The following CCZ1 variants were observed in gnomAD, a reference collection of about 807,000 sequenced individuals.
CCZ1 encodes CCZ1 vacuolar protein trafficking and biogenesis associated.
In CCZ1, 19 loss-of-function variants were observed where a neutral mutation model predicts 57.8. The observed-to-expected ratio is 0.33, with a 90% CI of 0.23 to 0.48. CCZ1 has a LOEUF of 0.48. Among genes scored for constraint, CCZ1 ranks in the 20% least tolerant of loss-of-function variants. The pLI is 0.99. For missense variants in CCZ1, 200 were observed against 492.0 expected (o/e 0.41, Z 5.61); for synonymous variants, 81 against 167.0 (o/e 0.49, Z 3.97).
At chr7:5,923,206 A>G (rs201437812) in intron 12 of CCZ1, among the ~76,000 whole-genome samples, 181 bp from the exon 13 acceptor site, 16,124 of 70,894 alleles carry the variant, frequency 0.23, 1,412 homozygotes, top group East Asian at 0.53. Context: ...AATCCCAGCT[A>G]CTCAGGAGGC....
rs146119504 is a variant in CCZ1, at chr7:5,922,652, A to C, written c.1107-735A>C. ...GTAGCACTGCCTAGTCAGTTTAAGA[A>C]ATAAAAAGGTACATCCCATTTAAAA... On this transcript the variant is annotated intron_variant, in intron 12 of 14. Coordinates refer to ENST00000325974, the MANE Select transcript of CCZ1 (RefSeq NM_015622.6). Among the ~76,000 whole-genome samples the C allele has an allele frequency of 5.4e-3, 822 of 151,330 alleles. 14 individuals carry two copies. Among genetic ancestry groups the C allele is most frequent in the African/African-American group, 0.015 (619 of 40,790 alleles).
chr7:5,908,696 A>G (rs958162426), intron 7 of CCZ1, among the ~76,000 whole-genome samples: 1 of 145,650 alleles, frequency 6.9e-6, no homozygotes, highest in Non-Finnish European at 1.5e-5. Context: ...ACGGTATTTC[A>G]GTGATCTTGA....
intron 6 of CCZ1, among the ~76,000 whole-genome samples, chr7:5,904,762 C>T (rs1392542881): frequency 2.7e-5 from 4 of 147,714 alleles, no homozygotes; most frequent in Non-Finnish European, 5.9e-5. Context: ...ACCTGGAAGG[C>T]GGAGCTTGCA....
At position 5,906,339 on chromosome 7, in the gene CCZ1, T is replaced by C. The variant is rs1781822162; in HGVS notation, c.698+1070T>C. Among the ~76,000 whole-genome samples the C allele has an allele frequency of 1.5e-5, 2 of 136,824 alleles. 1 individual carries two copies. Among genetic ancestry groups the C allele is most frequent in the Non-Finnish European group, 3.1e-5 (2 of 64,758 alleles). The allele number at this position is 136,824 out of a possible 152,430, so 89.8% of individuals were successfully genotyped here. A position where few individuals can be genotyped will look rare whatever the true frequency, so the allele number is the denominator to read the frequency against. On this transcript the variant is annotated intron_variant, in intron 7 of 14. Transcript: ENST00000325974. ...TCTTTCTTTCTTTTTTTTTTTTTTT[T>C]TTGAGACGGAGTCTCACTCTGTTGC...
chr7:5,905,346 G>A lies in CCZ1; in HGVS notation c.698+77G>A, dbSNP rs577079969. 3.3e-4 allele frequency: 275 copies of A among 831,480 alleles called. 2 individuals carry two copies. Among genetic ancestry groups the A allele is most frequent in the Non-Finnish European group, 4.3e-4 (240 of 558,742 alleles). 51.5% of individuals were successfully genotyped at this position (831,480 alleles called of 1,614,324 possible). On this transcript the variant is annotated intron_variant, in intron 7 of 14. Coordinates refer to ENST00000325974, the MANE Select transcript of CCZ1 (RefSeq NM_015622.6). ...ACAGCAGTGACTGGATTGATGACAG[G>A]TTGTCAAACAGGAACTTGCAGCGGG...
intron 10 of CCZ1, 55 bp from the exon 11 acceptor site, chr7:5,918,812 G>GA: frequency 1.5e-6 from 1 of 684,282 alleles, no homozygotes; most frequent in East Asian, 2.7e-5. Flanking sequence ...GTTATTATAC[G>GA]AAAGTCTCCT....
intron 6 of CCZ1, among the ~76,000 whole-genome samples, chr7:5,904,678 A>G (rs1388770846): frequency 6.8e-6 from 1 of 147,416 alleles, no homozygotes; most frequent in Non-Finnish European, 1.5e-5. Flanking sequence ...AAAAATGGAA[A>G]AAAATAGCTG....
chr7:5,900,624 T>C, intron 3 of CCZ1, 58 bp downstream of exon 3: 1 of 1,545,220 alleles, frequency 6.5e-7, no homozygotes, highest in Non-Finnish European at 8.7e-7. Context: ...TGGGTGATCT[T>C]TACTGTTCAG....
At position 5,911,872 on chromosome 7, in the gene CCZ1, G is replaced by A. The variant is rs1779046657; in HGVS notation, c.792G>A (p.Arg264=). The A allele has an allele frequency of 6.3e-7, 1 of 1,577,822 alleles. No individual in the cohort carries two copies. Among genetic ancestry groups the A allele is most frequent in the African/African-American group, 1.4e-5 (1 of 71,592 alleles). The change falls in exon 9 of 15, where the codon AGG becomes AGA. Residue 264 remains arginine (R), a synonymous_variant. Coordinates refer to ENST00000325974, the MANE Select transcript of CCZ1 (RefSeq NM_015622.6). ...AAATGTATTTGCAGTTAGCAGGAAG[G>A]GATTCTCCAATAAGAGCAGAAATGC... ...PRHIEPELAG[R]DSPIRAEMPG...
rs527239502 is a variant in CCZ1, at chr7:5,899,595, C to CAAA, written c.121-677_121-675dup. On this transcript the variant is annotated intron_variant, in intron 1 of 14. Coordinates refer to ENST00000325974, the MANE Select transcript of CCZ1 (RefSeq NM_015622.6). ...CAACATAGCAAGACCCCCAACTCTA[C>CAAA]AAAAAAAAAAAAAATTGAAAAGTGA... Among the ~76,000 whole-genome samples the CAAA allele has an allele frequency of 2.5e-3, 234 of 93,686 alleles. 3 individuals are homozygous for CAAA. Among genetic ancestry groups the CAAA allele is most frequent in the East Asian group, 0.013 (28 of 2,210 alleles). 61.5% of individuals were successfully genotyped at this position (93,686 alleles called of 152,430 possible).
intron 6 of CCZ1, among the ~76,000 whole-genome samples, chr7:5,903,772 T>TC (rs1222030268): frequency 1.4e-5 from 2 of 147,264 alleles, no homozygotes; most frequent in Non-Finnish European, 3.0e-5. Context: ...TGCGGGCAGA[T>TC]CTTGAGGTCA....
chr7:5,907,187 T>C lies in CCZ1; in HGVS notation c.698+1918T>C, dbSNP rs941423239. On this transcript the variant is annotated intron_variant, in intron 7 of 14. Transcript: ENST00000325974. ...ACCTACTTTCTAATTTGACAAATAG[T>C]TTATCAGGCAACCTTACACTGTACT... Among the ~76,000 whole-genome samples, 8 of 149,672 alleles carry C rather than the reference T, an allele frequency of 5.3e-5. 1 individual carries two copies. The highest frequency in any genetic ancestry group is 1.7e-4 in the African/African-American group (7 of 40,450).
intron 7 of CCZ1, among the ~76,000 whole-genome samples, chr7:5,909,380 G>A (rs1781913016): frequency 6.6e-6 from 1 of 150,538 alleles, no homozygotes; most frequent in Non-Finnish European, 1.5e-5. Flanking sequence ...CAGCCTGGGC[G>A]ACAGACGAGA....
intron 7 of CCZ1, among the ~76,000 whole-genome samples, chr7:5,905,827 G>A (rs1212946489): frequency 5.1e-5 from 6 of 117,580 alleles, no homozygotes; most frequent in Non-Finnish European, 1.0e-4. Flanking sequence ...TTCCTATCAA[G>A]TAAGGTTTAG....
rs1402905847 is a variant in CCZ1, at chr7:5,901,700, A to G, written c.434A>G (p.Tyr145Cys). The change falls in exon 5 of 15, where the codon TAC (tyrosine) becomes TGC (cysteine). Residue 145 changes from tyrosine to cysteine, a missense_variant. Around this residue, in one of 5 missense-constraint regions of CCZ1, gnomAD observed 128 missense variants for 178.4 expected, o/e 0.72. Coordinates refer to ENST00000325974, the MANE Select transcript of CCZ1 (RefSeq NM_015622.6). ...SSVLRQCYSM[Y>C]KLFNGTFLKA... ...GTGCTGCGGCAGTGCTACAGCATGT[A>G]CAAGGTAAGCGTGGCGTTCTTTCTC... 6.3e-7 allele frequency: 1 copy of G among 1,598,754 alleles called. No homozygotes were observed. Among genetic ancestry groups the G allele is most frequent in the East Asian group, 2.5e-5 (1 of 40,632 alleles).
rs771255545 is a variant in CCZ1, at chr7:5,925,670, ATCT to A, written c.1440_1442del (p.Phe480del). ...ACTTTGTGCAACGCAGTTCAACAAC[ATCT>A]TCTTCTTGGATTGACGGATGACGGC... is the stretch of plus-strand genomic sequence containing the variant. On this transcript the variant is annotated inframe_deletion, in exon 15 of 15. Transcript: ENST00000325974. 356 of 1,607,328 alleles carry A rather than the reference ATCT, an allele frequency of 2.2e-4. No homozygotes were observed. The highest frequency in any genetic ancestry group is 8.3e-4 in the East Asian group (37 of 44,756).
intron 6 of CCZ1, among the ~76,000 whole-genome samples, chr7:5,903,887 CT>C (rs1321551423): frequency 7.0e-6 from 1 of 143,724 alleles, no homozygotes; most frequent in Non-Finnish European, 1.5e-5. Flanking sequence ...CCCAGCTATT[CT>C]GGAGGCTGAG....
At chr7:5,914,323 C>G (rs1211508259) in intron 10 of CCZ1, among the ~76,000 whole-genome samples, 3 of 148,360 alleles carry the variant, frequency 2.0e-5, no homozygotes, top group Non-Finnish European at 4.4e-5. Flanking sequence ...GTAGTCCCAG[C>G]TACTCAGGAG....
chr7:5,902,725 T>A lies in CCZ1; in HGVS notation c.503T>A (p.Leu168Ter). ...DGGVKLLKERLEKFFHRYLQT... is the reference protein window; with the variant it reads ...DGGVKLLKER ...GGCGTCAAGCTTCTGAAAGAAAGAT[T>A]AGAGAAATTCTTCCATCGGGTAAGT... Residue 168 changes from leucine (L) to a stop codon, truncating the protein, a stop_gained, in exon 6 of 15, where the codon TTA becomes TAA. Transcript: ENST00000325974. LOFTEE classifies it high-confidence loss of function. 3.1e-6 allele frequency: 5 copies of A among 1,594,424 alleles called. No individual in the cohort carries two copies. The highest frequency in any genetic ancestry group is 4.2e-6 in the Non-Finnish European group (5 of 1,176,478).
Sources: gnomAD v4.1 joint callset for allele counts (sites outside exome capture counted in the v4.1 genomes callset) on GRCh38, gnomAD v4.1.1 for gene constraint, gnomAD v4.1.1 regional missense constraint, MANE v1.5 for transcripts, NCBI Gene and HGNC (gene_info 2026-07-23, HGNC 2026-07-21) for gene names.